RBM27: variants seen among roughly 807,000 people sequenced by gnomAD.
RBM27 encodes RNA binding motif protein 27, also known as RNA-binding protein 27.
In RBM27, 22 loss-of-function variants were observed where a neutral mutation model predicts 135.3. The ratio of observed to expected loss-of-function variants is 0.16; its 90% confidence interval spans 0.12 to 0.23. RBM27 has a LOEUF of 0.23. Ranked by LOEUF, RBM27 falls within the 10% of genes least tolerant of loss-of-function variation. The probability of loss-of-function intolerance (pLI) is 1.00; values close to 1 mark genes in which losing one functional copy is unlikely to be tolerated. For synonymous variants in RBM27, 481 were observed against 442.4 expected (o/e 1.09, Z -1.10); for missense variants, 1,009 against 1,281.0 (o/e 0.79, Z 3.24).
intron 19 of RBM27, among the ~76,000 whole-genome samples, chr5:146,277,689 ATT>A (rs760787929): frequency 3.6e-5 from 5 of 138,284 alleles, no homozygotes; most frequent in Non-Finnish European, 3.2e-5. Flanking sequence ...GGCCCAGCTA[ATT>A]TTTTTTTTTT....
chr5:146,204,337 T>TATTG (rs1190278023), intron 1 of RBM27, among the ~76,000 whole-genome samples: 1 of 152,120 alleles, frequency 6.6e-6, no homozygotes, highest in Admixed American at 6.6e-5. Context: ...GTATAGCGAT[T>TATTG]ATTGGTAAGT....
In RBM27 at chr5:146,207,129, A is replaced by G. The variant is rs1204911252; in HGVS notation, c.59+3305A>G. On this transcript the variant is annotated intron_variant, in intron 1 of 20. Transcript: ENST00000265271. The stretch of plus-strand genomic sequence containing the variant: ...CATGGCAGATTGGCATGTTGCTACA[A>G]CATAGCATTTCAGAGCAGTTGCTAG... Among the ~76,000 whole-genome samples the G allele has an allele frequency of 2.6e-5, 4 of 152,320 alleles. No individual in the cohort carries two copies. The East Asian group carries it at 7.7e-4, about 29-fold the overall frequency.
At position 146,287,575 on chromosome 5, in the gene RBM27, C is replaced by T. The variant is rs568548755; in HGVS notation, c.*1545C>T. ...AGGATTTTGTTTGCTGAGGTAAAGA[C>T]AATTTCTCAATATAGAAACTATTCA... On this transcript the variant is annotated 3_prime_UTR_variant, in exon 21 of 21. Transcript: ENST00000265271. 1 of 152,154 alleles carries T rather than the reference C, an allele frequency of 6.6e-6. No individual in the cohort carries two copies. Among genetic ancestry groups the T allele is most frequent in the Non-Finnish European group, 1.5e-5 (1 of 67,984 alleles). 9.4% of individuals were successfully genotyped at this position (152,154 alleles called of 1,614,324 possible).
chr5:146,272,453 C>T (rs964145398), intron 19 of RBM27, among the ~76,000 whole-genome samples: 4 of 152,142 alleles, frequency 2.6e-5, no homozygotes, highest in African/African-American at 9.7e-5. Flanking sequence ...GACAATGGCT[C>T]ATGTCTGTAA....
chr5:146,205,194 G>T (rs1755577069), intron 1 of RBM27, among the ~76,000 whole-genome samples: 1 of 152,190 alleles, frequency 6.6e-6, no homozygotes, highest in Non-Finnish European at 1.5e-5. Context: ...CACTGGACCC[G>T]GCCATGTTTG....
chr5:146,274,564 C>T (rs544920519), intron 19 of RBM27, among the ~76,000 whole-genome samples: 13 of 152,244 alleles, frequency 8.5e-5, no homozygotes, highest in East Asian at 5.8e-4. Flanking sequence ...CCACCGTGCC[C>T]GGCCCACACA....
At position 146,286,059 on chromosome 5, in the gene RBM27, G is replaced by A; in HGVS notation, c.*29G>A. On this transcript the variant is annotated 3_prime_UTR_variant, in exon 21 of 21. Coordinates refer to ENST00000265271, the MANE Select transcript of RBM27 (RefSeq NM_018989.2). ...CTGATGCTAGCTGTATAATTTTTAG[G>A]AATATTGTTTAGAAGAACAACTTTT... 1 of 1,557,108 alleles carries A rather than the reference G, an allele frequency of 6.4e-7. No individual in the cohort carries two copies. Among genetic ancestry groups the A allele is most frequent in the South Asian group, 1.2e-5 (1 of 83,398 alleles).
At chr5:146,262,722 T>C in intron 13 of RBM27, among the ~76,000 whole-genome samples, 1 of 152,244 alleles carries the variant, frequency 6.6e-6, no homozygotes, top group Non-Finnish European at 1.5e-5. Context: ...AGATGTTGGG[T>C]GAATAGTGTA....
At chr5:146,231,949 C>T (rs554287476) in intron 6 of RBM27, among the ~76,000 whole-genome samples, 6 of 152,160 alleles carry the variant, frequency 3.9e-5, no homozygotes, top group East Asian at 3.9e-4. Context: ...TGTTTGCTGC[C>T]GGGAATTTGT....
intron 14 of RBM27, among the ~76,000 whole-genome samples, chr5:146,264,687 G>C (rs377301588): frequency 8.5e-6 from 1 of 117,602 alleles, no homozygotes; most frequent in Admixed American, 8.1e-5. Context: ...GGAAAGCAAA[G>C]AAAACTGCTA....
At chr5:146,204,658 T>G (rs1004867211) in intron 1 of RBM27, among the ~76,000 whole-genome samples, 4 of 152,030 alleles carry the variant, frequency 2.6e-5, no homozygotes, top group African/African-American at 9.7e-5. Context: ...ATACAGGTGG[T>G]GTTGGAGGAA....
chr5:146,261,788 G>T lies in RBM27; in HGVS notation c.2172G>T (p.Val724=). The T allele has an allele frequency of 6.2e-7, 1 of 1,614,118 alleles. No homozygotes were observed. Among genetic ancestry groups the T allele is most frequent in the Non-Finnish European group, 8.5e-7 (1 of 1,180,012 alleles). ...TGGCCCAGTCTGCTCCTTCAACAGT[G>T]CACGGAGGTATCCAGAAGGTAATCT... The part of the protein sequence containing the change: ...VLVAQSAPST[V]HGGIQKMMSK... Residue 724 remains valine (V), a synonymous_variant, in exon 13 of 21, where the codon GTG becomes GTT. Transcript: ENST00000265271.
intron 8 of RBM27, among the ~76,000 whole-genome samples, chr5:146,247,111 G>A (rs1474175632): frequency 5.3e-5 from 8 of 152,052 alleles, no homozygotes; most frequent in Non-Finnish European, 2.9e-5. Context: ...CAGTCCTCCA[G>A]CCTCAGCCTC....
rs115504992 is a variant in RBM27 at position 146,218,068 on chromosome 5, C to T, written c.60-917C>T. Among the ~76,000 whole-genome samples, 1,392 of 152,222 alleles carry T rather than the reference C, an allele frequency of 9.1e-3. 24 individuals carry two copies. Among genetic ancestry groups the T allele is most frequent in the African/African-American group, 0.032 (1,322 of 41,524 alleles). On this transcript the variant is annotated intron_variant, in intron 1 of 20. Coordinates refer to ENST00000265271, the MANE Select transcript of RBM27 (RefSeq NM_018989.2). ...CCATTGCACCCAGCCTGAATGTTTT[C>T]ATTTTACCTTCATAACCTGACTGTG...
chr5:146,266,045 C>T lies in RBM27; in HGVS notation c.2332-1604C>T, dbSNP rs1006877100. Among the ~76,000 whole-genome samples the T allele has an allele frequency of 7.2e-5, 11 of 152,112 alleles. No homozygotes were observed. The South Asian group carries it at 1.2e-3, about 17-fold the overall frequency. On this transcript the variant is annotated intron_variant, in intron 14 of 20. Transcript: ENST00000265271. ...GAGCATCCCTAGCACTCAAAGGGAC[C>T]CAGGGATCCTTGAAGAAATAGCTGT...
chr5:146,288,992 TAGG>T lies in RBM27; in HGVS notation c.*2965_*2967del, dbSNP rs1438283226. On this transcript the variant is annotated 3_prime_UTR_variant, in exon 21 of 21. Coordinates refer to ENST00000265271, the MANE Select transcript of RBM27 (RefSeq NM_018989.2). ...ATTGTGAACTTGTGTAATAGTATAATAGGAGATATTGTTGAATTTCTAACTGTT... is the reference window on the plus strand; with the variant it reads ...ATTGTGAACTTGTGTAATAGTATAATAGATATTGTTGAATTTCTAACTGTT... The T allele has an allele frequency of 6.6e-6, 1 of 152,156 alleles. No homozygotes were observed. The highest frequency in any genetic ancestry group is 1.9e-4 in the East Asian group (1 of 5,204). 9.4% of individuals were successfully genotyped at this position (152,156 alleles called of 1,614,324 possible). A position where few individuals can be genotyped will look rare whatever the true frequency, so the allele number is the denominator to read the frequency against.
chr5:146,209,717 T>C (rs747598097), intron 1 of RBM27, among the ~76,000 whole-genome samples: 2 of 152,212 alleles, frequency 1.3e-5, no homozygotes, highest in Non-Finnish European at 2.9e-5. Context: ...TTTGGAGGTA[T>C]ATTCTTAAGT....
intron 2 of RBM27, among the ~76,000 whole-genome samples, chr5:146,222,172 A>T (rs1202891390): frequency 6.6e-6 from 1 of 152,240 alleles, no homozygotes; most frequent in East Asian, 1.9e-4. Flanking sequence ...ATGAGAGCTA[A>T]CAGTTTTATA....
intron 3 of RBM27, among the ~76,000 whole-genome samples, chr5:146,227,327 T>A (rs1034142391): frequency 6.6e-6 from 1 of 152,250 alleles, no homozygotes; most frequent in Non-Finnish European, 1.5e-5. Flanking sequence ...GATTTTGCTG[T>A]CTGCATCCCA....
Sources: allele counts gnomAD v4.1 joint callset (sites outside exome capture counted in the v4.1 genomes callset), GRCh38; gene constraint gnomAD v4.1.1; transcripts MANE v1.5; gene names NCBI Gene and HGNC (gene_info 2026-07-23, HGNC 2026-07-21).